Variants in GDF5 observed in about 807,000 individuals in gnomAD.
GDF5 encodes growth differentiation factor 5, also known as growth/differentiation factor 5.
In GDF5, 17 loss-of-function variants were observed where a neutral mutation model predicts 34.6. That is an observed-to-expected ratio of 0.49 (90% CI 0.34 to 0.74). The LOEUF (loss-of-function observed/expected upper bound fraction) is 0.74. Ranked by LOEUF, GDF5 falls within the 30% of genes least tolerant of loss-of-function variation. GDF5 has a pLI of 0.01. For synonymous variants in GDF5, 332 were observed against 290.7 expected (o/e 1.14, Z -1.44); for missense variants, 616 against 661.2 (o/e 0.93, Z 0.75).
chr20:35,436,357 T>G (rs1406144613), intron 1 of GDF5, among the ~76,000 whole-genome samples: 1 of 115,212 alleles, frequency 8.7e-6, no homozygotes, highest in African/African-American at 3.5e-5. Context: ...CCAGGCCAGC[T>G]CTAATGAGGA....
chr20:35,434,449 C>T lies in GDF5; in HGVS notation c.966G>A (p.Val322=), dbSNP rs778521914. The T allele has an allele frequency of 3.1e-6, 5 of 1,613,074 alleles. No individual in the cohort carries two copies. Among genetic ancestry groups the T allele is most frequent in the Non-Finnish European group, 4.2e-6 (5 of 1,179,724 alleles). The part of the protein sequence containing the change: ...ELEAWERGRA[V]DLRGLGFDRA... ...GGTCGAAGCCCAGGCCACGGAGGTC[C>T]ACGGCCCTGCCCCGTTCCCAGGCCT... The change falls in exon 2 of 2, where the codon GTG becomes GTA. Residue 322 remains valine, a synonymous_variant. Coordinates refer to ENST00000374369, the MANE Select transcript of GDF5 (RefSeq NM_000557.5).
chr20:35,434,258 G>A lies in GDF5; in HGVS notation c.1157C>T (p.Thr386Ile). The A allele has an allele frequency of 6.2e-7, 1 of 1,613,876 alleles. No homozygotes were observed. The highest frequency in any genetic ancestry group is 1.7e-5 in the Admixed American group (1 of 60,020). The change falls in exon 2 of 2, where the codon ACT becomes ATT. Residue 386 changes from threonine (T) to isoleucine (I), a missense_variant. Transcript: ENST00000374369. ...CTTGCTGGGTCGCTTGCCCTGGCGA[G>A]TGGCCAGTGGGGCCCGCCGTTTTCG... ...QRRKRRAPLA[T>I]RQGKRPSKNL... is the part of the protein sequence containing the mutation.
Position 35,437,818 on chromosome 20 carries a change from C to T in GDF5, c.111G>A (p.Gly37=). ...GAPDLGQRPQ[G]TRPGLAKAEA... ...CTGCTTTGGCCAATCCTGGCCTGGT[C>T]CCCTGGGGTCTCTGGCCCAAGTCAG... Residue 37 remains glycine (G), a synonymous_variant, in exon 1 of 2, where the codon GGG becomes GGA. Coordinates refer to ENST00000374369, the MANE Select transcript of GDF5 (RefSeq NM_000557.5). 1 of 1,613,682 alleles carries T rather than the reference C, an allele frequency of 6.2e-7. No individual in the cohort carries two copies. The highest frequency in any genetic ancestry group is 1.1e-5 in the South Asian group (1 of 91,036).
Position 35,437,688 on chromosome 20 carries a change from C to T in GDF5, c.241G>A (p.Gly81Arg), listed in dbSNP as rs148658511. The T allele has an allele frequency of 1.1e-4, 171 of 1,614,036 alleles. No individual in the cohort carries two copies. The highest frequency in any genetic ancestry group is 1.6e-4 in the African/African-American group (12 of 75,008). Reference sequence around the variant, plus strand: ...GGCTGTGTCAGGCCTCCTGTCTGCCCGGTGCCTCCCTTTGCCCTGGCATTG... The same window carrying T: ...GGCTGTGTCAGGCCTCCTGTCTGCCTGGTGCCTCCCTTTGCCCTGGCATTG... The part of the protein sequence containing the change: ...NANARAKGGT[G>R]QTGGLTQPKK... Residue 81 changes from glycine (G) to arginine (R), a missense_variant, in exon 1 of 2, where the codon GGG becomes AGG. Coordinates refer to ENST00000374369, the MANE Select transcript of GDF5 (RefSeq NM_000557.5).
intron 1 of GDF5, among the ~76,000 whole-genome samples, chr20:35,454,323 G>A (rs1009583200): frequency 6.6e-6 from 1 of 152,024 alleles, no homozygotes; most frequent in Non-Finnish European, 1.5e-5. Flanking sequence ...GCGTGGTGGC[G>A]GGCGCCTGTA....
At chr20:35,436,700 T>A (rs964116692) in intron 1 of GDF5, among the ~76,000 whole-genome samples, 1 of 152,094 alleles carries the variant, frequency 6.6e-6, no homozygotes, top group Non-Finnish European at 1.5e-5. Flanking sequence ...GGTGTACAGA[T>A]GGGAAAACGG....
At chr20:35,442,544 T>TTG (rs1371904406), upstream of GDF5, among the ~76,000 whole-genome samples, 3 of 147,914 alleles carry the variant, frequency 2.0e-5, no homozygotes, top group East Asian at 6.0e-4. Flanking sequence ...CGTCTTTTTT[T>TTG]TTTTTTTTTT....
chr20:35,440,642 C>T (rs1449791904), upstream of GDF5, among the ~76,000 whole-genome samples: 1 of 152,206 alleles, frequency 6.6e-6, no homozygotes, highest in Non-Finnish European at 1.5e-5. Context: ...TGCTCTTTTA[C>T]ATTTTTTGGC....
chr20:35,440,559 C>G (rs199544673), upstream of GDF5, among the ~76,000 whole-genome samples: 7 of 152,208 alleles, frequency 4.6e-5, no homozygotes, highest in East Asian at 1.4e-3. Flanking sequence ...CCACGTGCCA[C>G]CTCCTCCATG....
chr20:35,439,908 C>CTTTTTTTTTTTTT (rs34397706), upstream of GDF5, among the ~76,000 whole-genome samples: 1 of 71,634 alleles, frequency 1.4e-5, no homozygotes, highest in Non-Finnish European at 2.5e-5. Flanking sequence ...AGGCTTCCTT[C>CTTTTTTTTTTTTT]TTTTTTTTTT....
chr20:35,454,605 T>G (rs1412426712), intron 1 of GDF5: 2 of 152,550 alleles, frequency 1.3e-5, no homozygotes, highest in East Asian at 1.9e-4. Flanking sequence ...TGCAGAGACA[T>G]GCAGACAAAA....
chr20:35,444,786 G>A (rs1240131731), intron 1 of GDF5, among the ~76,000 whole-genome samples: 2 of 151,992 alleles, frequency 1.3e-5, no homozygotes, highest in Non-Finnish European at 2.9e-5. Flanking sequence ...GTAGAGACAG[G>A]TTTTCACCAT....
rs1568733227 is a variant in GDF5 at position 35,437,320 on chromosome 20, G to A, written c.609C>T (p.Thr203=). The A allele has an allele frequency of 1.2e-6, 2 of 1,612,592 alleles. No individual in the cohort carries two copies. The highest frequency in any genetic ancestry group is 2.2e-5 in the East Asian group (1 of 44,872). The change falls in exon 1 of 2, where the codon ACC becomes ACT. Residue 203 remains threonine (T), a synonymous_variant. Transcript: ENST00000374369. ...CACCTTGCCCTTTGTCAATAAAGCT[G>A]GTGATGGTGTTGGCCAGGCCAGCCT... ...KLEAGLANTI[T]SFIDKGQDDR...
At chr20:35,435,590 C>T (rs1301478872) in intron 1 of GDF5, 1 of 150,418 alleles carries the variant, frequency 6.6e-6, no homozygotes, top group African/African-American at 2.4e-5. Context: ...TTAAAGGAGA[C>T]CTTGGTGCTC....
intron 1 of GDF5, among the ~76,000 whole-genome samples, chr20:35,451,054 A>ATATATAT (rs2062530183): frequency 0.033 from 1,623 of 48,518 alleles, 215 homozygotes; most frequent in Non-Finnish European, 0.042. Context: ...AAAAAAAAAA[A>ATATATAT]AAAAAAAAAA....
chr20:35,437,527 G>T lies in GDF5; in HGVS notation c.402C>A (p.Pro134=). 1 of 1,614,124 alleles carries T rather than the reference G, an allele frequency of 6.2e-7. No homozygotes were observed. The highest frequency in any genetic ancestry group is 8.5e-7 in the Non-Finnish European group (1 of 1,179,976). Reference sequence around the variant, plus strand: ...AGCTGGGGACAGATCCTGCTTTTGGGGGTGCCTTGCCTCCGGGAAGCTGTC... The same window carrying T: ...AGCTGGGGACAGATCCTGCTTTTGGTGGTGCCTTGCCTCCGGGAAGCTGTC... ...PKGQLPGGKA[P]PKAGSVPSSF... is the part of the protein sequence containing the mutation. Residue 134 remains proline (P), a synonymous_variant, in exon 1 of 2, where the codon CCC becomes CCA. Transcript: ENST00000374369.
At chr20:35,454,240 T>C in intron 1 of GDF5, 1 of 332,690 alleles carries the variant, frequency 3.0e-6, no homozygotes, top group Non-Finnish European at 6.0e-6. Context: ...GATCACGAGG[T>C]CAAGAGAGAT....
upstream of GDF5, chr20:35,438,356 C>A: frequency 1.9e-5 from 2 of 106,240 alleles, no homozygotes; most frequent in Non-Finnish European, 1.8e-5. Flanking sequence ...AGTGAAAATA[C>A]TTCACACACA....
chr20:35,441,032 C>G (rs1288649326), upstream of GDF5, among the ~76,000 whole-genome samples: 1 of 152,198 alleles, frequency 6.6e-6, no homozygotes, highest in Non-Finnish European at 1.5e-5. Flanking sequence ...ACTTCTTAAG[C>G]ATTTTGTAAG....
Sources: allele counts gnomAD v4.1 joint callset (sites outside exome capture counted in the v4.1 genomes callset), GRCh38; gene constraint gnomAD v4.1.1; transcripts MANE v1.5; gene names NCBI Gene and HGNC (gene_info 2026-07-23, HGNC 2026-07-21).